Variants in GNAL observed in about 807,000 individuals in gnomAD.
The protein encoded by GNAL is G protein subunit alpha L.
A neutral mutation model predicts 55.1 loss-of-function variants in GNAL; 18 were observed. The observed-to-expected ratio is 0.33, with a 90% CI of 0.23 to 0.48. The LOEUF is 0.48. GNAL is among the 20% of genes least tolerant of loss of function. The probability of loss-of-function intolerance (pLI) is 0.99; values close to 1 mark genes in which losing one functional copy is unlikely to be tolerated. For synonymous variants in GNAL, 253 were observed against 237.0 expected, an observed-to-expected ratio of 1.07 and a Z score of -0.62; for missense variants, 412 against 614.1, an observed-to-expected ratio of 0.67 and a Z score of 3.48.
chr18:11,741,447 T>C (rs574744805), intron 1 of GNAL, among the ~76,000 whole-genome samples: 118 of 152,374 alleles, frequency 7.7e-4, no homozygotes, highest in African/African-American at 2.7e-3. Context: ...TATGCACTTG[T>C]AGAATTAACC....
chr18:11,758,691 C>G (rs565221271), intron 4 of GNAL, among the ~76,000 whole-genome samples: 1 of 152,202 alleles, frequency 6.6e-6, no homozygotes. Flanking sequence ...TAGAGTTTTT[C>G]TCATGAATAC....
rs1310194804 is a variant in GNAL at position 11,700,335 on chromosome 18, TA to T, written c.376+10399del. Reference sequence around the variant, plus strand: ...CTGGGGTTAAATTATTCTCAGCAAATAAAGCCCTCTAGACATGCATTGAAGT... The same window carrying T: ...CTGGGGTTAAATTATTCTCAGCAAATAAGCCCTCTAGACATGCATTGAAGT... On this transcript the variant is annotated intron_variant, in intron 1 of 11. Coordinates refer to ENST00000334049, the MANE Select transcript of GNAL (RefSeq NM_182978.4). Among the ~76,000 whole-genome samples, 4 of 152,198 alleles carry T rather than the reference TA, an allele frequency of 2.6e-5. No individual in the cohort carries two copies. In the East Asian group the frequency reaches 7.7e-4, roughly 29 times the overall value.
intron 1 of GNAL, among the ~76,000 whole-genome samples, chr18:11,732,374 T>A (rs971990770): frequency 6.6e-6 from 1 of 152,254 alleles, no homozygotes; most frequent in Non-Finnish European, 1.5e-5. Flanking sequence ...TCCTAGTGGA[T>A]GTGAGATGTT....
At chr18:11,806,096 T>G (rs1375899638) in intron 4 of GNAL, among the ~76,000 whole-genome samples, 1 of 152,210 alleles carries the variant, frequency 6.6e-6, no homozygotes, top group Non-Finnish European at 1.5e-5. Flanking sequence ...ATCTGATGAT[T>G]AGTTATGTTG....
At chr18:11,734,588 T>A in intron 1 of GNAL, among the ~76,000 whole-genome samples, 1 of 151,514 alleles carries the variant, frequency 6.6e-6, no homozygotes, top group Non-Finnish European at 1.5e-5. Context: ...TAGCAATAGC[T>A]TGCATTCTAG....
rs73397900 is a variant in GNAL at position 11,756,859 on chromosome 18, T to G, written c.624+2914T>G. On this transcript the variant is annotated intron_variant, in intron 4 of 11. Transcript: ENST00000334049. ...AGAGCTAAATCAAGTATTTTAATAG[T>G]AAACAAAACACTGTTTTACTCAGTC... Among the ~76,000 whole-genome samples the G allele has an allele frequency of 9.3e-3, 1,409 of 152,302 alleles. 10 individuals carry two copies. The highest frequency in any genetic ancestry group is 0.017 in the Middle Eastern group (5 of 292).
intron 1 of GNAL, among the ~76,000 whole-genome samples, chr18:11,734,246 G>A (rs537663385): frequency 2.6e-5 from 4 of 151,010 alleles, no homozygotes; most frequent in East Asian, 2.0e-4. Flanking sequence ...CAGTTCAAGC[G>A]ATTCTCCTGC....
chr18:11,879,652 C>T (rs938766979), intron 11 of GNAL, among the ~76,000 whole-genome samples: 7 of 152,164 alleles, frequency 4.6e-5, no homozygotes, highest in South Asian at 2.1e-4. Context: ...AGGTGCCAGT[C>T]GTCAGGGATT....
chr18:11,753,714 A>C (rs1230242284), intron 3 of GNAL, 32 bp downstream of exon 3: 1 of 1,507,300 alleles, frequency 6.6e-7, no homozygotes. Flanking sequence ...TGTTTACTAG[A>C]AAGGTCAAGT....
chr18:11,885,268 T>C lies in GNAL; in HGVS notation c.*4133T>C, dbSNP rs1398468634. On this transcript the variant is annotated 3_prime_UTR_variant, in exon 12 of 12. Transcript: ENST00000334049. ...CGCCCAGTGGTCATTAAGTGAAACA[T>C]CTTTTATCAACCTGCAAAAGCTGCA... 2 of 273,432 alleles carry C rather than the reference T, an allele frequency of 7.3e-6. No homozygotes were observed. Among genetic ancestry groups the C allele is most frequent in the Non-Finnish European group, 7.1e-6 (1 of 141,696 alleles). The allele number at this position is 273,432 out of a possible 1,614,324, so 16.9% of individuals were successfully genotyped here. A position where few individuals can be genotyped will look rare whatever the true frequency, so the allele number is the denominator to read the frequency against.
At chr18:11,843,490 A>G (rs970426151) in intron 5 of GNAL, among the ~76,000 whole-genome samples, 1 of 151,930 alleles carries the variant, frequency 6.6e-6, no homozygotes, top group Non-Finnish European at 1.5e-5. Flanking sequence ...GCACCACTGC[A>G]CTCCAGCCTG....
chr18:11,803,033 T>G (rs1598472717), intron 4 of GNAL, among the ~76,000 whole-genome samples: 1 of 152,182 alleles, frequency 6.6e-6, no homozygotes, highest in East Asian at 1.9e-4. Context: ...AAGTACTGGA[T>G]TGTTTTTGTT....
chr18:11,699,948 G>A (rs557702349), intron 1 of GNAL, among the ~76,000 whole-genome samples: 35 of 152,336 alleles, frequency 2.3e-4, no homozygotes, highest in African/African-American at 7.5e-4. Context: ...TCGGGGCAGG[G>A]AGTACATGGC....
chr18:11,725,739 G>A (rs1186714836), intron 1 of GNAL, among the ~76,000 whole-genome samples: 3 of 152,222 alleles, frequency 2.0e-5, no homozygotes, highest in African/African-American at 7.2e-5. Context: ...GTGAGCATTC[G>A]TGTGCAGGTT....
chr18:11,875,491 G>A (rs915001888), intron 10 of GNAL, among the ~76,000 whole-genome samples: 2 of 152,154 alleles, frequency 1.3e-5, no homozygotes, highest in Admixed American at 6.5e-5. Context: ...ATTTTTGAAT[G>A]GTTTAGCACC....
At chr18:11,842,946 T>A (rs112819212) in intron 5 of GNAL, among the ~76,000 whole-genome samples, 33 of 152,360 alleles carry the variant, frequency 2.2e-4, no homozygotes, top group African/African-American at 5.5e-4. Flanking sequence ...GGGTGTTGAC[T>A]GTTTCAGAAG....
intron 1 of GNAL, among the ~76,000 whole-genome samples, chr18:11,719,171 A>G (rs2032038998): frequency 6.6e-6 from 1 of 152,194 alleles, no homozygotes; most frequent in Non-Finnish European, 1.5e-5. Context: ...ATAACTACAT[A>G]AATAGTTGAA....
intron 4 of GNAL, among the ~76,000 whole-genome samples, chr18:11,769,651 G>C (rs1166890251): frequency 6.6e-6 from 1 of 152,208 alleles, no homozygotes; most frequent in East Asian, 1.9e-4. Flanking sequence ...CGTTGGTAAA[G>C]AATATGTTCA....
At chr18:11,810,629 C>G (rs1041326701) in intron 4 of GNAL, 2 of 152,268 alleles carry the variant, frequency 1.3e-5, no homozygotes, top group African/African-American at 4.8e-5. Context: ...TCACTAGCAT[C>G]CCCTTACCCC....
Sources: allele counts gnomAD v4.1 joint callset (sites outside exome capture counted in the v4.1 genomes callset), GRCh38; gene constraint gnomAD v4.1.1; transcripts MANE v1.5; gene names NCBI Gene and HGNC (gene_info 2026-07-23, HGNC 2026-07-21).